The following LDLRAD3 variants were observed in gnomAD, a reference collection of about 807,000 sequenced individuals.
LDLRAD3 encodes low density lipoprotein receptor class A domain containing 3.
Under a neutral mutation model 29.4 loss-of-function variants are expected in LDLRAD3, and 20 were observed. The observed-to-expected ratio is 0.68, with a 90% confidence interval of 0.48 to 0.99. The LOEUF (loss-of-function observed/expected upper bound fraction) is 0.99. Ranked by LOEUF, LDLRAD3 falls within the 50% of genes least tolerant of loss-of-function variation. The probability of loss-of-function intolerance (pLI) is 0.00; values close to 1 mark genes in which losing one functional copy is unlikely to be tolerated. For synonymous variants in LDLRAD3, 157 were observed against 192.7 expected (o/e 0.81, Z 1.53); for missense variants, 420 against 454.3 (o/e 0.92, Z 0.69).
intron 3 of LDLRAD3, among the ~76,000 whole-genome samples, chr11:36,084,054 GA>G (rs1476872152): frequency 6.6e-6 from 1 of 151,916 alleles, no homozygotes; most frequent in Admixed American, 6.6e-5. Flanking sequence ...GAGTAGCTGG[GA>G]TCACAGGAGT....
At chr11:36,105,474 C>T (rs1853515850) in intron 4 of LDLRAD3, among the ~76,000 whole-genome samples, 1 of 152,078 alleles carries the variant, frequency 6.6e-6, no homozygotes, top group African/African-American at 2.4e-5. Context: ...CCCAGTGCCT[C>T]AGAGTGTGAC....
chr11:36,223,653 GAAGC>G (rs1855459451), intron 4 of LDLRAD3, among the ~76,000 whole-genome samples: 1 of 152,088 alleles, frequency 6.6e-6, no homozygotes, highest in African/African-American at 2.4e-5. Context: ...CCAGGAGGTT[GAAGC>G]TGTTGAACCA....
At chr11:36,043,748 A>C (rs1315627981) in intron 2 of LDLRAD3, among the ~76,000 whole-genome samples, 1 of 152,092 alleles carries the variant, frequency 6.6e-6, no homozygotes, top group Non-Finnish European at 1.5e-5. Flanking sequence ...TTTTTTCTGC[A>C]TCTTGGTTCT....
chr11:36,141,143 C>T (rs916782549), intron 4 of LDLRAD3, among the ~76,000 whole-genome samples: 6 of 151,962 alleles, frequency 3.9e-5, no homozygotes, highest in Admixed American at 2.6e-4. Context: ...CATGGGGATT[C>T]GATGGCAGTA....
chr11:35,959,404 T>G (rs1851247616), intron 1 of LDLRAD3, among the ~76,000 whole-genome samples: 1 of 152,222 alleles, frequency 6.6e-6, no homozygotes. Flanking sequence ...ACACACAGTA[T>G]TGCAGTTTAT....
intron 1 of LDLRAD3, among the ~76,000 whole-genome samples, chr11:35,955,792 A>G (rs1407709526): frequency 6.6e-6 from 1 of 152,360 alleles, no homozygotes; most frequent in Admixed American, 6.5e-5. Flanking sequence ...TAGAGAATAC[A>G]TAGTTCTAAT....
chr11:36,107,774 T>A (rs1467498771), intron 4 of LDLRAD3, among the ~76,000 whole-genome samples: 1 of 152,172 alleles, frequency 6.6e-6, no homozygotes, highest in Non-Finnish European at 1.5e-5. Context: ...AATTCTATGA[T>A]GTGCACCCCA....
At chr11:36,147,098 CTTTTTTTTTTTTTTTT>C (rs55747441) in intron 4 of LDLRAD3, among the ~76,000 whole-genome samples, 89 of 48,212 alleles carry the variant, frequency 1.8e-3, no homozygotes, top group South Asian at 0.016. Context: ...CCCATATTTA[CTTTTTTTTTTTTTTTT>C]TTTTTTTTTT....
intron 1 of LDLRAD3, among the ~76,000 whole-genome samples, chr11:36,020,924 A>G (rs952804840): frequency 1.3e-5 from 2 of 152,206 alleles, no homozygotes; most frequent in African/African-American, 2.4e-5. Flanking sequence ...ATTAGTGCCA[A>G]AGAGGTAAGA....
intron 1 of LDLRAD3, among the ~76,000 whole-genome samples, chr11:35,984,893 G>T (rs1358498826): frequency 6.6e-6 from 1 of 151,464 alleles, no homozygotes; most frequent in Non-Finnish European, 1.5e-5. Context: ...GCCTCCCAAA[G>T]CACTGGGATT....
At chr11:36,130,101 A>G (rs998000199) in intron 4 of LDLRAD3, among the ~76,000 whole-genome samples, 1 of 152,242 alleles carries the variant, frequency 6.6e-6, no homozygotes, top group Non-Finnish European at 1.5e-5. Context: ...CTGAGACCCT[A>G]TGCTTACAGT....
At chr11:36,162,991 T>TC (rs1854464880) in intron 4 of LDLRAD3, among the ~76,000 whole-genome samples, 1 of 152,202 alleles carries the variant, frequency 6.6e-6, no homozygotes, top group African/African-American at 2.4e-5. Flanking sequence ...AACAGCTTCT[T>TC]CCTTCCCCAA....
At chr11:36,168,872 A>G (rs1408361780) in intron 4 of LDLRAD3, among the ~76,000 whole-genome samples, 1 of 152,168 alleles carries the variant, frequency 6.6e-6, no homozygotes, top group African/African-American at 2.4e-5. Flanking sequence ...AATTAAGATG[A>G]CTTTCAGGAC....
chr11:36,070,433 T>C (rs1006351352), intron 2 of LDLRAD3, among the ~76,000 whole-genome samples: 3 of 152,194 alleles, frequency 2.0e-5, no homozygotes, highest in Non-Finnish European at 4.4e-5. Context: ...TGGGGAAAGA[T>C]CATAAAGAGG....
intron 1 of LDLRAD3, among the ~76,000 whole-genome samples, chr11:35,978,479 T>C (rs1191413806): frequency 1.3e-5 from 2 of 152,200 alleles, no homozygotes; most frequent in Admixed American, 6.5e-5. Flanking sequence ...GTAGCTCTTC[T>C]TGATGTACTA....
chr11:36,225,354 C>T (rs1050626034), intron 4 of LDLRAD3, among the ~76,000 whole-genome samples: 18 of 152,172 alleles, frequency 1.2e-4, no homozygotes, highest in African/African-American at 4.1e-4. Flanking sequence ...GTCCCCAGCT[C>T]GGACCCCTGG....
At chr11:36,144,245 G>C (rs1445867593) in intron 4 of LDLRAD3, among the ~76,000 whole-genome samples, 3 of 151,782 alleles carry the variant, frequency 2.0e-5, no homozygotes, top group African/African-American at 7.3e-5. Context: ...ATGGTGCCCA[G>C]GCTGGAGTGC....
rs1853084606 is a variant in LDLRAD3, at chr11:36,079,912, T to C, written c.194-1741T>C. The stretch of plus-strand genomic sequence containing the variant: ...AAATTTAGAAACTTGTCCAAAGTCA[T>C]AAAAAATAGAGTTGGAATTTGAACC... On this transcript the variant is annotated intron_variant, in intron 2 of 5. Transcript: ENST00000315571. Among the ~76,000 whole-genome samples, 3 of 152,144 alleles carry C rather than the reference T, an allele frequency of 2.0e-5. No homozygotes were observed. In the South Asian group the frequency reaches 6.2e-4, roughly 32 times the overall value.
chr11:36,096,135 A>C (rs1853356945), intron 3 of LDLRAD3, among the ~76,000 whole-genome samples: 1 of 152,214 alleles, frequency 6.6e-6, no homozygotes, highest in South Asian at 2.1e-4. Context: ...CAACACTGAA[A>C]GCACTGGTTT....
Sources: gnomAD v4.1 joint callset for allele counts (sites outside exome capture counted in the v4.1 genomes callset) on GRCh38, gnomAD v4.1.1 for gene constraint, MANE v1.5 for transcripts, NCBI Gene and HGNC (gene_info 2026-07-23, HGNC 2026-07-21) for gene names.